SPIDR: variants seen among roughly 807,000 people sequenced by gnomAD.
SPIDR encodes the protein scaffold protein involved in DNA repair.
SPIDR carries 93 observed loss-of-function variants against 104.6 expected under a neutral mutation model. The ratio of observed to expected loss-of-function variants is 0.89; its 90% CI spans 0.75 to 1.06. The LOEUF (loss-of-function observed/expected upper bound fraction) is 1.06, where lower values mean the gene tolerates loss of function less well. Ranked by LOEUF, SPIDR falls within the 50% of genes least tolerant of loss-of-function variation. The pLI, the probability that SPIDR is intolerant of heterozygous loss-of-function variation, is 0.00. For missense variants in SPIDR, 1,154 were observed against 1,111.2 expected (o/e 1.04, Z -0.55); for synonymous variants, 431 against 416.9 (o/e 1.03, Z -0.41).
intron 10 of SPIDR, among the ~76,000 whole-genome samples, chr8:47,652,016 G>A (rs929005994): frequency 3.3e-5 from 5 of 152,076 alleles, no homozygotes; most frequent in Admixed American, 1.3e-4. Context: ...TACACTACTC[G>A]GGTGATGGGT....
chr8:47,410,070 A>G (rs2063293404), intron 7 of SPIDR, among the ~76,000 whole-genome samples: 1 of 152,184 alleles, frequency 6.6e-6, no homozygotes, highest in Non-Finnish European at 1.5e-5. Context: ...TCGCTTAGCA[A>G]TTGCCTTCTC....
At chr8:47,350,366 T>C (rs530201123) in intron 5 of SPIDR, among the ~76,000 whole-genome samples, 2 of 152,168 alleles carry the variant, frequency 1.3e-5, no homozygotes, top group Non-Finnish European at 2.9e-5. Context: ...CATGCTGAAG[T>C]ACAGTGGCGC....
At chr8:47,733,547 T>C (rs1424816119) in intron 19 of SPIDR, among the ~76,000 whole-genome samples, 1 of 151,000 alleles carries the variant, frequency 6.6e-6, no homozygotes, top group Non-Finnish European at 1.5e-5. Flanking sequence ...TGCACAAACA[T>C]GCAAGACTAA....
At chr8:47,503,552 C>T (rs570610950) in intron 8 of SPIDR, among the ~76,000 whole-genome samples, 28 of 152,216 alleles carry the variant, frequency 1.8e-4, no homozygotes, top group Non-Finnish European at 4.0e-4. Flanking sequence ...GATGGGTTTC[C>T]TCAATACAGC....
chr8:47,647,641 A>AGAGAGAGAGAGAGAGG (rs1563415769), intron 10 of SPIDR, among the ~76,000 whole-genome samples: 37 of 145,020 alleles, frequency 2.6e-4, no homozygotes, highest in African/African-American at 8.7e-4. Context: ...AGAGAGAGAG[A>AGAGAGAGAGAGAGAGG]GAGAGAGAGA....
chr8:47,590,123 G>A lies in SPIDR; in HGVS notation c.1098-5688G>A, dbSNP rs567096585. Among the ~76,000 whole-genome samples, 21 of 150,848 alleles carry A rather than the reference G, an allele frequency of 1.4e-4. No individual in the cohort carries two copies. In the South Asian group the frequency reaches 3.8e-3, roughly 27 times the overall value. ...CAGGTAGCGGAGATTGCAGTGAACCGAGATCGTGCCACTGCACTCCAGCCC... is the reference window on the plus strand; with the variant it reads ...CAGGTAGCGGAGATTGCAGTGAACCAAGATCGTGCCACTGCACTCCAGCCC... On this transcript the variant is annotated intron_variant, in intron 8 of 19. Transcript: ENST00000297423.
At chr8:47,352,645 C>A in intron 5 of SPIDR, among the ~76,000 whole-genome samples, 1 of 152,132 alleles carries the variant, frequency 6.6e-6, no homozygotes, top group East Asian at 1.9e-4. Flanking sequence ...TGGTTGTGAA[C>A]TGCTTTTGCT....
At chr8:47,364,303 CTG>C (rs1640651766) in intron 5 of SPIDR, among the ~76,000 whole-genome samples, 1 of 152,190 alleles carries the variant, frequency 6.6e-6, no homozygotes, top group Non-Finnish European at 1.5e-5. Context: ...TTGGTCCCTT[CTG>C]TGTCCTTGAC....
chr8:47,456,257 G>A (rs186951993), intron 8 of SPIDR, among the ~76,000 whole-genome samples: 111 of 152,262 alleles, frequency 7.3e-4, no homozygotes, highest in African/African-American at 1.9e-3. Context: ...ATAACAAGGA[G>A]ATGTATGCAC....
intron 8 of SPIDR, among the ~76,000 whole-genome samples, chr8:47,478,066 C>G (rs187008110): frequency 6.6e-6 from 1 of 152,240 alleles, no homozygotes; most frequent in Admixed American, 6.5e-5. Flanking sequence ...GCTAGCAGCA[C>G]CCAGGGCGTG....
intron 8 of SPIDR, among the ~76,000 whole-genome samples, chr8:47,557,682 TTAAA>T (rs925463329): frequency 1.8e-4 from 27 of 152,234 alleles, no homozygotes; most frequent in African/African-American, 4.8e-4. Flanking sequence ...TCTTAAATAC[TTAAA>T]TAATGTTGTT....
rs1282378886 is a variant in SPIDR, at chr8:47,658,052, AAAAG to A, written c.1545-15745_1545-15742del. Among the ~76,000 whole-genome samples, 111 of 150,806 alleles carry A rather than the reference AAAAG, an allele frequency of 7.4e-4. No individual in the cohort carries two copies. In the Middle Eastern group the frequency reaches 0.01, roughly 14 times the overall value. ...CTCAAAAAAAAAAAAAAAAAAAAGA[AAAAG>A]AAAAAGAAAAAAAAAGGCAAAAGAG... On this transcript the variant is annotated intron_variant, in intron 10 of 19. Coordinates refer to ENST00000297423, the MANE Select transcript of SPIDR (RefSeq NM_001080394.4).
In SPIDR at chr8:47,300,001, C is replaced by G. The variant is rs1554576125; in HGVS notation, c.525+5971C>G. Among the ~76,000 whole-genome samples, 24 of 152,156 alleles carry G rather than the reference C, an allele frequency of 1.6e-4. No individual in the cohort carries two copies. In the East Asian group the frequency reaches 2.5e-3, roughly 16 times the overall value. Reference sequence around the variant, plus strand: ...AGGGAGGATTTCCTCTTTTTCTATTCATTGGAATAGTTTCAGAAGGAATGG... The same window carrying G: ...AGGGAGGATTTCCTCTTTTTCTATTGATTGGAATAGTTTCAGAAGGAATGG... On this transcript the variant is annotated intron_variant, in intron 5 of 19. Transcript: ENST00000297423.
At chr8:47,571,103 A>T (rs2058465259) in intron 8 of SPIDR, among the ~76,000 whole-genome samples, 1 of 152,052 alleles carries the variant, frequency 6.6e-6, no homozygotes, top group African/African-American at 2.4e-5. Context: ...AAAAAAAAAA[A>T]GTTGAACTCG....
intron 8 of SPIDR, among the ~76,000 whole-genome samples, chr8:47,584,608 C>G (rs1028405348): frequency 6.6e-6 from 1 of 152,156 alleles, no homozygotes; most frequent in East Asian, 1.9e-4. Context: ...ATACATAGTT[C>G]TAATATTGGT....
At chr8:47,594,150 A>C (rs2061380592) in intron 8 of SPIDR, among the ~76,000 whole-genome samples, 1 of 139,392 alleles carries the variant, frequency 7.2e-6, no homozygotes, top group Non-Finnish European at 1.5e-5. Context: ...ACCTGAGGTC[A>C]GGAGTTTGAG....
At chr8:47,473,202 G>A (rs2075920275) in intron 8 of SPIDR, among the ~76,000 whole-genome samples, 1 of 152,174 alleles carries the variant, frequency 6.6e-6, no homozygotes, top group Non-Finnish European at 1.5e-5. Context: ...ACAGGGTCTT[G>A]GAAGCAAGCA....
At chr8:47,425,714 G>A (rs1034498026) in intron 7 of SPIDR, among the ~76,000 whole-genome samples, 1 of 152,074 alleles carries the variant, frequency 6.6e-6, no homozygotes, top group Non-Finnish European at 1.5e-5. Context: ...TTGAAGTTCA[G>A]TAAGAAGCAG....
intron 8 of SPIDR, among the ~76,000 whole-genome samples, chr8:47,444,570 A>G (rs1287400177): frequency 6.6e-6 from 1 of 152,208 alleles, no homozygotes; most frequent in Non-Finnish European, 1.5e-5. Context: ...TAATTTAAAC[A>G]TCCTCTTATT....
Sources: allele counts gnomAD v4.1 joint callset (sites outside exome capture counted in the v4.1 genomes callset), GRCh38; gene constraint gnomAD v4.1.1; transcripts MANE v1.5; gene names NCBI Gene and HGNC (gene_info 2026-07-23, HGNC 2026-07-21).